KLHL7: variants seen among roughly 807,000 people sequenced by gnomAD.
The protein encoded by KLHL7 is kelch like family member 7.
Under a neutral mutation model 67.4 loss-of-function variants are expected in KLHL7, and 44 were observed. The ratio of observed to expected loss-of-function variants is 0.65; its 90% CI spans 0.51 to 0.84. The LOEUF is 0.84. Ranked by LOEUF, KLHL7 falls within the 40% of genes least tolerant of loss-of-function variation. The pLI, the probability that KLHL7 is intolerant of heterozygous loss-of-function variation, is 0.00. For synonymous variants in KLHL7, 252 were observed against 243.3 expected (o/e 1.04, Z -0.33); for missense variants, 362 against 718.1 (o/e 0.50, Z 5.67).
Position 23,124,761 on chromosome 7 carries a change from G to A in KLHL7, c.297G>A (p.Val99=). ...DAEPDIIEQL[V]EFAYTARISV... is the part of the protein sequence containing the mutation. ...AACCTGATATTATTGAACAACTGGTGGAATTTGCTTATACTGCTAGGTGAG... is the reference window on the plus strand; with the variant it reads ...AACCTGATATTATTGAACAACTGGTAGAATTTGCTTATACTGCTAGGTGAG... Residue 99 remains valine (V), a synonymous_variant, in exon 3 of 11, where the codon GTG becomes GTA. Coordinates refer to ENST00000339077, the MANE Select transcript of KLHL7 (RefSeq NM_001031710.3). 1.2e-6 allele frequency: 2 copies of A among 1,607,880 alleles called. No individual in the cohort carries two copies. The highest frequency in any genetic ancestry group is 2.2e-5 in the South Asian group (2 of 90,962).
intron 4 of KLHL7, among the ~76,000 whole-genome samples, chr7:23,130,263 T>C: frequency 6.6e-6 from 1 of 152,192 alleles, no homozygotes; most frequent in East Asian, 1.9e-4. Context: ...GGGGAAAATA[T>C]CTCATAAGTT....
At chr7:23,121,903 C>T (rs1424877713) in intron 1 of KLHL7, among the ~76,000 whole-genome samples, 2 of 151,984 alleles carry the variant, frequency 1.3e-5, no homozygotes, top group Non-Finnish European at 2.9e-5. Flanking sequence ...AGGATGGTCT[C>T]AATCTGCTGA....
At chr7:23,136,154 C>G (rs1783969110) in intron 4 of KLHL7, among the ~76,000 whole-genome samples, 1 of 152,156 alleles carries the variant, frequency 6.6e-6, no homozygotes, top group Admixed American at 6.5e-5. Context: ...AATCAGAATG[C>G]CATTAATTTT....
intron 5 of KLHL7, among the ~76,000 whole-genome samples, chr7:23,142,914 G>A (rs1011662882): frequency 6.6e-6 from 1 of 152,084 alleles, no homozygotes; most frequent in Non-Finnish European, 1.5e-5. Flanking sequence ...ATGAAATTTA[G>A]TTAATGTGTC....
At chr7:23,112,700 T>A (rs917516321) in intron 1 of KLHL7, among the ~76,000 whole-genome samples, 1 of 152,182 alleles carries the variant, frequency 6.6e-6, no homozygotes, top group Non-Finnish European at 1.5e-5. Flanking sequence ...TAGTAGGACA[T>A]AGCAACACAG....
intron 1 of KLHL7, among the ~76,000 whole-genome samples, chr7:23,117,232 C>T (rs1209574656): frequency 1.3e-5 from 2 of 151,774 alleles, no homozygotes; most frequent in Admixed American, 6.6e-5. Flanking sequence ...CTATTACAGA[C>T]GCGCACCACC....
At chr7:23,173,102 A>C in intron 10 of KLHL7, 57 bp downstream of exon 10, 2 of 1,167,766 alleles carry the variant, frequency 1.7e-6, no homozygotes, top group Non-Finnish European at 2.6e-6. Context: ...ATACTTCCTT[A>C]AATTATTGAA....
At chr7:23,138,235 G>A (rs552067745) in intron 4 of KLHL7, among the ~76,000 whole-genome samples, 2 of 151,516 alleles carry the variant, frequency 1.3e-5, no homozygotes, top group South Asian at 2.1e-4. Flanking sequence ...AGGCCAAGGC[G>A]GGTGGATCAT....
chr7:23,173,128 T>G (rs1444999813), intron 10 of KLHL7, 83 bp downstream of exon 10: 1 of 908,424 alleles, frequency 1.1e-6, no homozygotes, highest in East Asian at 2.4e-5. Flanking sequence ...TTTAAAAATC[T>G]AGATAGAAGC....
chr7:23,134,380 A>G (rs1438465903), intron 4 of KLHL7, among the ~76,000 whole-genome samples: 1 of 152,178 alleles, frequency 6.6e-6, no homozygotes. Context: ...TTTTGCATCA[A>G]TGTTCATCAG....
At chr7:23,123,727 A>G (rs769368921) in intron 1 of KLHL7, 50 bp from the exon 2 acceptor site, 3 of 1,278,894 alleles carry the variant, frequency 2.3e-6, no homozygotes, top group Non-Finnish European at 3.4e-6. Context: ...TGTATTGCCA[A>G]GCTAGGCTAG....
intron 7 of KLHL7, among the ~76,000 whole-genome samples, chr7:23,157,866 A>C (rs1283615273): frequency 1.3e-5 from 2 of 152,194 alleles, no homozygotes; most frequent in African/African-American, 2.4e-5. Context: ...AGATCACTCT[A>C]AAAAGGGTCA....
chr7:23,137,315 G>A (rs564111710), intron 4 of KLHL7, among the ~76,000 whole-genome samples: 2 of 151,968 alleles, frequency 1.3e-5, no homozygotes, highest in East Asian at 1.9e-4. Context: ...ATAAAGCAGA[G>A]AAATAAAACT....
chr7:23,114,493 T>G (rs1397235212), intron 1 of KLHL7, among the ~76,000 whole-genome samples: 1 of 152,158 alleles, frequency 6.6e-6, no homozygotes, highest in African/African-American at 2.4e-5. Flanking sequence ...AATGATAGAA[T>G]TCAGGCACCA....
chr7:23,120,105 G>T (rs1223961106), intron 1 of KLHL7, among the ~76,000 whole-genome samples: 1 of 152,022 alleles, frequency 6.6e-6, no homozygotes, highest in Non-Finnish European at 1.5e-5. Context: ...TTGCCCCCGG[G>T]CTCAAGCGAT....
intron 4 of KLHL7, among the ~76,000 whole-genome samples, chr7:23,125,435 T>C (rs1208425461): frequency 6.6e-6 from 1 of 152,170 alleles, no homozygotes; most frequent in Non-Finnish European, 1.5e-5. Flanking sequence ...TCTAGGACAA[T>C]GAATAAGGAT....
At chr7:23,145,607 T>C (rs946502454) in intron 6 of KLHL7, among the ~76,000 whole-genome samples, 2 of 152,222 alleles carry the variant, frequency 1.3e-5, no homozygotes, top group East Asian at 1.9e-4. Flanking sequence ...ATTTTTAAAA[T>C]TGGGGACCCC....
intron 4 of KLHL7, among the ~76,000 whole-genome samples, chr7:23,126,237 G>A (rs565733653): frequency 6.6e-6 from 1 of 152,152 alleles, no homozygotes; most frequent in African/African-American, 2.4e-5. Context: ...GCAGGATGGA[G>A]CAGGATGACG....
At chr7:23,131,887 A>G (rs1783815319) in intron 4 of KLHL7, among the ~76,000 whole-genome samples, 1 of 152,230 alleles carries the variant, frequency 6.6e-6, no homozygotes, top group East Asian at 1.9e-4. Context: ...TCCCACAAAT[A>G]AACGAGAATA....
Sources: gnomAD v4.1 joint callset for allele counts (sites outside exome capture counted in the v4.1 genomes callset) on GRCh38, gnomAD v4.1.1 for gene constraint, MANE v1.5 for transcripts, NCBI Gene and HGNC (gene_info 2026-07-23, HGNC 2026-07-21) for gene names.